Variants in SHB observed in about 807,000 individuals in gnomAD.
SHB encodes SH2 domain-containing adapter protein B.
A neutral mutation model predicts 52.3 loss-of-function variants in SHB; 20 were observed. The observed-to-expected ratio is 0.38, with a 90% CI of 0.27 to 0.56. The LOEUF (loss-of-function observed/expected upper bound fraction) is 0.56. Among genes scored for constraint, SHB ranks in the 20% least tolerant of loss-of-function variants. SHB has a pLI of 0.71. For synonymous variants in SHB, 397 were observed against 316.5 expected (o/e 1.25, Z -2.70); for missense variants, 825 against 723.3 (o/e 1.14, Z -1.61).
chr9:37,984,710 G>A (rs1820782875), intron 2 of SHB, among the ~76,000 whole-genome samples: 2 of 152,172 alleles, frequency 1.3e-5, no homozygotes, highest in African/African-American at 2.4e-5. Flanking sequence ...GGAGTGCCAG[G>A]CGGTTCTTCC....
intron 1 of SHB, among the ~76,000 whole-genome samples, chr9:38,060,049 G>A (rs1313558164): frequency 6.6e-6 from 1 of 152,232 alleles, no homozygotes; most frequent in East Asian, 1.9e-4. Flanking sequence ...ATAAGGCAGA[G>A]ATGATAAAGC....
At chr9:38,050,121 G>C (rs1370333086) in intron 1 of SHB, among the ~76,000 whole-genome samples, 4 of 152,204 alleles carry the variant, frequency 2.6e-5, no homozygotes, top group Non-Finnish European at 5.9e-5. Context: ...ATGATGATCT[G>C]AAACACAGCT....
At chr9:37,949,795 G>A (rs1406479885) in intron 4 of SHB, among the ~76,000 whole-genome samples, 1 of 152,228 alleles carries the variant, frequency 6.6e-6, no homozygotes, top group East Asian at 1.9e-4. Flanking sequence ...CACCACTTGG[G>A]CATGTGGGAA....
chr9:38,068,020 G>C lies in SHB; in HGVS notation c.626C>G (p.Thr209Ser), dbSNP rs578230624. 18 of 1,513,188 alleles carry C rather than the reference G, an allele frequency of 1.2e-5. No individual in the cohort carries two copies. Among genetic ancestry groups the C allele is most frequent in the Admixed American group, 8.5e-5 (4 of 46,854 alleles). 93.7% of individuals were successfully genotyped at this position (1,513,188 alleles called of 1,614,324 possible). ...GCCTCCGCAGGCCGTCGGGCTCCAG[G>C]TGCGGCCGCCCGCGCAGGCGCCCCC... ...PLGGACAGGR[T>S]WSPTACGGKK... Residue 209 changes from threonine (T) to serine (S), a missense_variant, in exon 1 of 6, where the codon ACC becomes AGC. Physicochemically the swap from Thr to Ser is moderately conservative, Grantham distance 58 (BLOSUM62 1). Coordinates refer to ENST00000377707, the MANE Select transcript of SHB (RefSeq NM_003028.3).
At chr9:38,035,944 G>A (rs1821481110) in intron 1 of SHB, among the ~76,000 whole-genome samples, 1 of 152,094 alleles carries the variant, frequency 6.6e-6, no homozygotes, top group South Asian at 2.1e-4. Context: ...CCAAGACTGA[G>A]AATCACTCTC....
Position 38,068,110 on chromosome 9 carries a change from A to G in SHB, c.536T>C (p.Ile179Thr), listed in dbSNP as rs1160718444. The G allele has an allele frequency of 2.5e-5, 37 of 1,473,224 alleles. No homozygotes were observed. Among genetic ancestry groups the G allele is most frequent in the Non-Finnish European group, 3.3e-5 (37 of 1,124,384 alleles). 91.3% of individuals were successfully genotyped at this position (1,473,224 alleles called of 1,614,324 possible). A position where few individuals can be genotyped will look rare whatever the true frequency, so the allele number is the denominator to read the frequency against. ...RPATPAEVRY[I>T]SPKHRLIKVE... is the part of the protein sequence containing the mutation. Reference sequence around the variant, plus strand: ...TTTGATGAGGCGGTGCTTGGGGGAGATGTAGCGCACCTCGGCCGGCGTGGC... The same window carrying G: ...TTTGATGAGGCGGTGCTTGGGGGAGGTGTAGCGCACCTCGGCCGGCGTGGC... Residue 179 changes from isoleucine to threonine, a missense_variant, in exon 1 of 6, where the codon ATC (isoleucine) becomes ACC (threonine). Coordinates refer to ENST00000377707, the MANE Select transcript of SHB (RefSeq NM_003028.3).
intron 2 of SHB, among the ~76,000 whole-genome samples, chr9:38,005,278 C>G (rs1405555084): frequency 6.6e-6 from 1 of 152,174 alleles, no homozygotes; most frequent in Non-Finnish European, 1.5e-5. Context: ...ACGCCTATAC[C>G]CTGAAAGGGA....
At chr9:38,039,054 G>A (rs75125671) in intron 1 of SHB, among the ~76,000 whole-genome samples, 1,842 of 152,276 alleles carry the variant, frequency 0.012, 18 homozygotes, top group Middle Eastern at 0.034. Flanking sequence ...GCTGGCGGGC[G>A]GGCGTGACAG....
At chr9:38,044,500 C>T (rs1212394781) in intron 1 of SHB, among the ~76,000 whole-genome samples, 1 of 152,168 alleles carries the variant, frequency 6.6e-6, no homozygotes, top group Non-Finnish European at 1.5e-5. Context: ...CACACAAGTC[C>T]CCAGCTAAAA....
chr9:38,036,329 AAC>A lies in SHB; in HGVS notation c.718-20200_718-20199del, dbSNP rs139223407. 7.2e-3 allele frequency among the ~76,000 whole-genome samples: 1,098 copies of A among 152,362 alleles called. 11 individuals are homozygous for A. Among genetic ancestry groups the A allele is most frequent in the African/African-American group, 0.025 (1,026 of 41,572 alleles). On this transcript the variant is annotated intron_variant, in intron 1 of 5. Coordinates refer to ENST00000377707, the MANE Select transcript of SHB (RefSeq NM_003028.3). Reference sequence around the variant, plus strand: ...CAGCCACATTTTAACCAAAATTGCTAACAGTTTATTAGCATCTGGGAGGAACA... The same window carrying A: ...CAGCCACATTTTAACCAAAATTGCTAAGTTTATTAGCATCTGGGAGGAACA...
intron 5 of SHB, 47 bp from the exon 6 acceptor site, chr9:37,920,051 G>T: frequency 6.7e-7 from 1 of 1,497,922 alleles, no homozygotes; most frequent in Non-Finnish European, 9.3e-7. Flanking sequence ...CTGACACTCA[G>T]GCTGAGGCCA....
rs753811107 is a variant in SHB, at chr9:38,068,434, G to A, written c.212C>T (p.Pro71Leu). Reference protein sequence around the residue: ...SCFSASSGSLPDDSGSTSDLI... With the variant: ...SCFSASSGSLLDDSGSTSDLI... ...GTCGCTGGTGCTGCCGCTGTCGTCG[G>A]GCAGCGAGCCCGAAGAGGCTGAGAA... is the stretch of plus-strand genomic sequence containing the variant. Residue 71 changes from proline to leucine, a missense_variant, in exon 1 of 6, where the codon CCC becomes CTC. By Grantham distance (98) the Pro-to-Leu change is moderately conservative. Coordinates refer to ENST00000377707, the MANE Select transcript of SHB (RefSeq NM_003028.3). 5 of 1,554,782 alleles carry A rather than the reference G, an allele frequency of 3.2e-6. No individual in the cohort carries two copies. Among genetic ancestry groups the A allele is most frequent in the Admixed American group, 3.7e-5 (2 of 53,456 alleles).
chr9:37,961,952 C>A (rs1832696547), intron 3 of SHB, among the ~76,000 whole-genome samples: 1 of 152,198 alleles, frequency 6.6e-6, no homozygotes, highest in Non-Finnish European at 1.5e-5. Flanking sequence ...CGATGAATGG[C>A]CCGTGGCTGA....
rs74171537 is a variant in SHB, at chr9:37,932,562, C to CAAAAAAA, written c.1347-12565_1347-12559dup. ...GAGTAGATGTTAGCTGCTCTAGCCA[C>CAAAAAAA]AAAAAAAAAAAAAAAAAAAGGTAAC... On this transcript the variant is annotated intron_variant, in intron 5 of 5. Coordinates refer to ENST00000377707, the MANE Select transcript of SHB (RefSeq NM_003028.3). 2.9e-3 allele frequency among the ~76,000 whole-genome samples: 254 copies of CAAAAAAA among 86,718 alleles called. 3 individuals are homozygous for CAAAAAAA. Among genetic ancestry groups the CAAAAAAA allele is most frequent in the African/African-American group, 0.01 (247 of 24,158 alleles). The allele number at this position is 86,718 out of a possible 152,430, so 56.9% of individuals were successfully genotyped here.
At chr9:38,020,947 C>T (rs7047051) in intron 1 of SHB, among the ~76,000 whole-genome samples, 4 of 152,024 alleles carry the variant, frequency 2.6e-5, no homozygotes, top group Non-Finnish European at 5.9e-5. Flanking sequence ...AGGAAGATCA[C>T]CCGGCTACAG....
At position 37,919,167 on chromosome 9, in the gene SHB, CATAA is replaced by C. The variant is rs1832142631; in HGVS notation, c.*650_*653del. 6.5e-6 allele frequency: 1 copy of C among 152,694 alleles called. No homozygotes were observed. Among genetic ancestry groups the C allele is most frequent in the Non-Finnish European group, 1.5e-5 (1 of 68,068 alleles). The allele number at this position is 152,694 out of a possible 1,614,324, so 9.5% of individuals were successfully genotyped here. A position where few individuals can be genotyped will look rare whatever the true frequency, so the allele number is the denominator to read the frequency against. ...GACTATTTTATTTACACACCCTATT[CATAA>C]ATAATTGAATCCTCTTTTTGACTGC... On this transcript the variant is annotated 3_prime_UTR_variant, in exon 6 of 6. Transcript: ENST00000377707.
intron 5 of SHB, 55 bp downstream of exon 5, chr9:37,948,580 G>A (rs1387855140): frequency 2.6e-5 from 42 of 1,596,120 alleles, no homozygotes; most frequent in Admixed American, 6.7e-5. Context: ...ACGGTGGCCG[G>A]CTGCGCTCGC....
At chr9:37,949,623 A>C (rs1398692761) in intron 4 of SHB, among the ~76,000 whole-genome samples, 2 of 152,082 alleles carry the variant, frequency 1.3e-5, no homozygotes, top group African/African-American at 4.8e-5. Context: ...GGTGTGCAAG[A>C]CGTCCCGAAA....
intron 2 of SHB, among the ~76,000 whole-genome samples, chr9:37,998,294 C>T (rs1820974454): frequency 2.0e-5 from 3 of 152,254 alleles, no homozygotes; most frequent in Non-Finnish European, 2.9e-5. Flanking sequence ...GCCTGGGCTT[C>T]CTGACCACCA....
Sources: gnomAD v4.1 joint callset for allele counts (sites outside exome capture counted in the v4.1 genomes callset) on GRCh38, gnomAD v4.1.1 for gene constraint, MANE v1.5 for transcripts, NCBI Gene and HGNC (gene_info 2026-07-23, HGNC 2026-07-21) for gene names.